MSRA: variants seen among roughly 807,000 people sequenced by gnomAD.
MSRA encodes mitochondrial peptide methionine sulfoxide reductase.
In MSRA, 54 loss-of-function variants were observed where a neutral mutation model predicts 31.3. The observed-to-expected ratio is 1.73, with a 90% CI of 1.39 to 2.17. The LOEUF (loss-of-function observed/expected upper bound fraction) is 2.17, where lower values mean the gene tolerates loss of function less well. Ranked by LOEUF, MSRA falls within the 30% of genes most tolerant of loss-of-function variation. The pLI, the probability that MSRA is intolerant of heterozygous loss-of-function variation, is 0.00. For missense variants in MSRA, 507 were observed against 300.9 expected (o/e 1.69, Z -5.07); for synonymous variants, 169 against 116.5 (o/e 1.45, Z -2.90).
At chr8:10,401,942 C>T (rs1028563226) in intron 5 of MSRA, among the ~76,000 whole-genome samples, 6 of 152,000 alleles carry the variant, frequency 3.9e-5, no homozygotes, top group South Asian at 2.1e-4. Context: ...GAATTTCTGT[C>T]GGATGATGAC....
chr8:10,383,016 A>G (rs1183075954), intron 5 of MSRA, among the ~76,000 whole-genome samples: 3 of 152,226 alleles, frequency 2.0e-5, no homozygotes, highest in Admixed American at 6.5e-5. Context: ...TGAAATGGGC[A>G]AGAGGTAGGG....
intron 5 of MSRA, among the ~76,000 whole-genome samples, chr8:10,380,528 C>T (rs1044784403): frequency 1.1e-4 from 16 of 152,200 alleles, no homozygotes; most frequent in African/African-American, 3.9e-4. Flanking sequence ...GGCAGTTACC[C>T]TGGTTAGCCC....
At chr8:10,375,405 A>G (rs1563409164) in intron 5 of MSRA, among the ~76,000 whole-genome samples, 1 of 152,194 alleles carries the variant, frequency 6.6e-6, no homozygotes, top group African/African-American at 2.4e-5. Context: ...CATGACCACA[A>G]TTTTGTTTGC....
In MSRA at chr8:10,395,075, C is replaced by T. The variant is rs1022269108; in HGVS notation, c.544-33073C>T. Among the ~76,000 whole-genome samples the T allele has an allele frequency of 3.9e-5, 6 of 152,164 alleles. No individual in the cohort carries two copies. In the East Asian group the frequency reaches 1.2e-3, roughly 29 times the overall value. On this transcript the variant is annotated intron_variant, in intron 5 of 5. Coordinates refer to ENST00000317173, the MANE Select transcript of MSRA (RefSeq NM_012331.5). Reference sequence around the variant, plus strand: ...GGCAGAAGCCAACACACACAGTCACCTGTGTGTAAGCGTAGCAGGAAAGAT... The same window carrying T: ...GGCAGAAGCCAACACACACAGTCACTTGTGTGTAAGCGTAGCAGGAAAGAT...
intron 3 of MSRA, among the ~76,000 whole-genome samples, chr8:10,263,334 C>T (rs545460291): frequency 6.6e-6 from 1 of 152,308 alleles, no homozygotes; most frequent in African/African-American, 2.4e-5. Context: ...TGTAGACAGT[C>T]AGTAGCCTTG....
intron 1 of MSRA, among the ~76,000 whole-genome samples, chr8:10,163,184 C>G (rs542509960): frequency 2.4e-4 from 36 of 152,256 alleles, no homozygotes; most frequent in Middle Eastern, 6.8e-3. Context: ...TCTTGGACTT[C>G]CAGCCTCAGA....
At chr8:10,208,211 A>AT (rs796930545) in intron 2 of MSRA, among the ~76,000 whole-genome samples, 3,353 of 146,360 alleles carry the variant, frequency 0.023, 59 homozygotes, top group East Asian at 0.075. Context: ...GCTAGCACGG[A>AT]TTTTTTTTTT....
intron 1 of MSRA, among the ~76,000 whole-genome samples, chr8:10,190,068 C>T (rs923859923): frequency 1.3e-5 from 2 of 152,058 alleles, no homozygotes; most frequent in Non-Finnish European, 2.9e-5. Context: ...TCTGTGTAAG[C>T]TCTGTGATAA....
At chr8:10,378,248 T>G (rs1164170147) in intron 5 of MSRA, among the ~76,000 whole-genome samples, 2 of 152,178 alleles carry the variant, frequency 1.3e-5, no homozygotes, top group Non-Finnish European at 2.9e-5. Context: ...AGATCACCTC[T>G]GGGTCCCTGT....
At chr8:10,147,511 C>A (rs1054080257) in intron 1 of MSRA, among the ~76,000 whole-genome samples, 1 of 152,156 alleles carries the variant, frequency 6.6e-6, no homozygotes, top group African/African-American at 2.4e-5. Flanking sequence ...TTTATATAAC[C>A]CTGCCTGGGA....
chr8:10,194,752 T>C lies in MSRA; in HGVS notation c.143-13081T>C, dbSNP rs186875640. 6.5e-3 allele frequency among the ~76,000 whole-genome samples: 990 copies of C among 152,268 alleles called. 5 individuals are homozygous for C. Among genetic ancestry groups the C allele is most frequent in the Non-Finnish European group, 9.4e-3 (642 of 68,022 alleles). On this transcript the variant is annotated intron_variant, in intron 1 of 5. Coordinates refer to ENST00000317173, the MANE Select transcript of MSRA (RefSeq NM_012331.5). ...ACATTTGTCCTGGGACTGGATGCAG[T>C]TTAAGCATGAGGCTGATCAGAGCTC...
intron 1 of MSRA, among the ~76,000 whole-genome samples, chr8:10,164,520 G>A (rs1472982236): frequency 6.6e-6 from 1 of 152,072 alleles, no homozygotes; most frequent in African/African-American, 2.4e-5. Context: ...TGAATAGGCC[G>A]AAGAAAAAAT....
chr8:10,216,100 A>G (rs149332252), intron 2 of MSRA, among the ~76,000 whole-genome samples: 1 of 152,334 alleles, frequency 6.6e-6, no homozygotes, highest in East Asian at 1.9e-4. Context: ...TCAAGGATCA[A>G]ATTCAGATAA....
intron 4 of MSRA, among the ~76,000 whole-genome samples, chr8:10,319,286 G>T (rs1801906864): frequency 6.6e-6 from 1 of 152,044 alleles, no homozygotes; most frequent in Admixed American, 6.6e-5. Context: ...TTTCACTCTG[G>T]GGCACTGTCA....
At chr8:10,079,303 G>A (rs1268911593) in intron 1 of MSRA, among the ~76,000 whole-genome samples, 2 of 152,032 alleles carry the variant, frequency 1.3e-5, no homozygotes, top group African/African-American at 2.4e-5. Context: ...GGACTAACAG[G>A]CATGTGCCAC....
intron 3 of MSRA, among the ~76,000 whole-genome samples, chr8:10,255,657 C>T (rs537553407): frequency 3.3e-5 from 5 of 151,726 alleles, no homozygotes; most frequent in South Asian, 4.2e-4. Flanking sequence ...AAGGCGTGTT[C>T]GGTTGCGTTT....
rs574388551 is a variant in MSRA at position 10,112,148 on chromosome 8, G to T, written c.142+57490G>T. 3.9e-5 allele frequency among the ~76,000 whole-genome samples: 6 copies of T among 151,918 alleles called. 1 individual carries two copies. Among genetic ancestry groups the T allele is most frequent in the East Asian group, 1.9e-4 (1 of 5,174 alleles). ...TCCCAGCTTTTATCCACAGTCCTGCGCTGTCTCCTTATTTTAAAAGAGCAA... is the reference window on the plus strand; with the variant it reads ...TCCCAGCTTTTATCCACAGTCCTGCTCTGTCTCCTTATTTTAAAAGAGCAA... On this transcript the variant is annotated intron_variant, in intron 1 of 5. Transcript: ENST00000317173.
chr8:10,315,739 A>G (rs1022693447), intron 4 of MSRA, among the ~76,000 whole-genome samples: 1 of 152,228 alleles, frequency 6.6e-6, no homozygotes, highest in Non-Finnish European at 1.5e-5. Flanking sequence ...TGGACTTGCA[A>G]TGATGACCTA....
chr8:10,133,617 C>T (rs928172433), intron 1 of MSRA, among the ~76,000 whole-genome samples: 3 of 152,138 alleles, frequency 2.0e-5, no homozygotes, highest in Non-Finnish European at 4.4e-5. Context: ...AGTATACCCA[C>T]AGTGGGGAAA....
Sources: allele counts gnomAD v4.1 joint callset (sites outside exome capture counted in the v4.1 genomes callset), GRCh38; gene constraint gnomAD v4.1.1; transcripts MANE v1.5; gene names NCBI Gene and HGNC (gene_info 2026-07-23, HGNC 2026-07-21).